The following KRT72 variants were observed in gnomAD, a reference collection of about 807,000 sequenced individuals.
KRT72 encodes the protein keratin 72.
In KRT72, 44 loss-of-function variants were observed where a neutral mutation model predicts 44.7. The ratio of observed to expected loss-of-function variants is 0.98; its 90% CI spans 0.77 to 1.27. The LOEUF is 1.27. Among genes scored for constraint, KRT72 ranks in the 50% most tolerant of loss-of-function variants. The probability of loss-of-function intolerance (pLI) is 0.00; values close to 1 mark genes in which losing one functional copy is unlikely to be tolerated. For missense variants in KRT72, 736 were observed against 667.1 expected (o/e 1.10, Z -1.14); for synonymous variants, 302 against 280.4 (o/e 1.08, Z -0.77).
intron 2 of KRT72, among the ~76,000 whole-genome samples, chr12:52,593,266 G>A (rs749160927): frequency 6.6e-6 from 1 of 152,174 alleles, no homozygotes; most frequent in Non-Finnish European, 1.5e-5. Context: ...TAGCAGAGGT[G>A]AAAAGACACT....
intron 5 of KRT72, 85 bp downstream of exon 5, chr12:52,591,379 C>A (rs201891093): frequency 2.8e-5 from 37 of 1,333,410 alleles, no homozygotes; most frequent in Non-Finnish European, 3.4e-5. Context: ...CACACAAACA[C>A]ACGCACACAC....
chr12:52,592,281 C>T (rs552112000), intron 4 of KRT72, 115 bp downstream of exon 4: 13 of 732,912 alleles, frequency 1.8e-5, no homozygotes, highest in South Asian at 6.2e-5. Flanking sequence ...GTCAGGGGCA[C>T]CAGGTTGAAA....
chr12:52,586,240 C>T, intron 8 of KRT72, 68 bp from the exon 9 acceptor site: 2 of 1,357,330 alleles, frequency 1.5e-6, no homozygotes, highest in Non-Finnish European at 2.0e-6. Context: ...CCTTCTTGGG[C>T]ATCTCGGGCC....
At chr12:52,589,311 C>T (rs867914217) in intron 6 of KRT72, among the ~76,000 whole-genome samples, 2 of 152,176 alleles carry the variant, frequency 1.3e-5, no homozygotes, top group East Asian at 1.9e-4. Flanking sequence ...TGCCAATGCC[C>T]TCGTATTTTG....
At chr12:52,601,584 T>A, upstream of KRT72, 1 of 876,494 alleles carries the variant, frequency 1.1e-6, no homozygotes, top group Non-Finnish European at 1.7e-6. Context: ...CGACAACACC[T>A]TTTAGATCCC....
At chr12:52,586,253 C>T (rs1169572151) in intron 8 of KRT72, 81 bp from the exon 9 acceptor site, 4 of 1,172,444 alleles carry the variant, frequency 3.4e-6, no homozygotes, top group East Asian at 2.5e-5. Flanking sequence ...CTCGGGCCAC[C>T]TCCTTTACTC....
upstream of KRT72, chr12:52,601,564 A>C: frequency 4.5e-6 from 5 of 1,099,862 alleles, no homozygotes; most frequent in Non-Finnish European, 6.5e-6. Flanking sequence ...AGTCAGCCTA[A>C]TTTGTATGTC....
At chr12:52,587,222 A>AT (rs2120712740) in intron 7 of KRT72, among the ~76,000 whole-genome samples, 1 of 152,134 alleles carries the variant, frequency 6.6e-6, no homozygotes, top group Non-Finnish European at 1.5e-5. Context: ...GTGTGGGATC[A>AT]TTAGGCCTCC....
At position 52,596,093 on chromosome 12, in the gene KRT72, A is replaced by T. The variant is rs676126; in HGVS notation, c.641+2805T>A. ...AACAAAACAAATATCCCTGCCCTTA[A>T]GAAGCAGAGAGAGACAAATAACAAA... On this transcript the variant is annotated intron_variant, in intron 2 of 8. Transcript: ENST00000293745. 5.3e-5 allele frequency among the ~76,000 whole-genome samples: 8 copies of T among 152,166 alleles called. No individual in the cohort carries two copies. The East Asian group carries it at 1.3e-3, about 26-fold the overall frequency.
chr12:52,586,049 C>G lies in KRT72; in HGVS notation c.1469G>C (p.Ser490Thr). ...ADVKTKGSCG[S>T]ELKDPLAKTS... ...TTTGGCAAGGGGATCCTTGAGCTCA[C>G]TGCCACAGCTGCCTTTGGTCTTGAC... Residue 490 changes from serine to threonine, a missense_variant, in exon 9 of 9, where the codon AGT (serine) becomes ACT (threonine). Transcript: ENST00000293745. The G allele has an allele frequency of 6.2e-7, 1 of 1,614,222 alleles. No individual in the cohort carries two copies. Among genetic ancestry groups the G allele is most frequent in the Non-Finnish European group, 8.5e-7 (1 of 1,180,040 alleles).
chr12:52,587,391 C>T (rs981506063), intron 7 of KRT72, among the ~76,000 whole-genome samples: 1 of 152,122 alleles, frequency 6.6e-6, no homozygotes, highest in Non-Finnish European at 1.5e-5. Context: ...CATGAACGGT[C>T]GGGGATGCTG....
At chr12:52,600,834 G>C (rs1370597243) in intron 1 of KRT72, among the ~76,000 whole-genome samples, 193 bp downstream of exon 1, 1 of 151,940 alleles carries the variant, frequency 6.6e-6, no homozygotes, top group African/African-American at 2.4e-5. Context: ...TGAGCACTTC[G>C]TAAACATCCC....
intron 2 of KRT72, among the ~76,000 whole-genome samples, chr12:52,598,049 T>C (rs1940278988): frequency 6.6e-6 from 1 of 152,204 alleles, no homozygotes; most frequent in African/African-American, 2.4e-5. Context: ...AGTTCCCATC[T>C]TAATTCCACC....
In KRT72 at chr12:52,601,337, T is replaced by C. The variant is rs1345521123; in HGVS notation, c.116A>G (p.Lys39Arg). ...CTTGCTGCCAAAGGAGGCCGAGCCCTTGACCCGGGCCCGGAATGAGGCGGA... is the reference window on the plus strand; with the variant it reads ...CTTGCTGCCAAAGGAGGCCGAGCCCCTGACCCGGGCCCGGAATGAGGCGGA... ...SSSASFRARV[K>R]GSASFGSKSL... Residue 39 changes from lysine to arginine, a missense_variant, in exon 1 of 9, where the codon AAG becomes AGG. Physicochemically the swap from Lys to Arg is conservative, Grantham distance 26. Coordinates refer to ENST00000293745, the MANE Select transcript of KRT72 (RefSeq NM_080747.3). The C allele has an allele frequency of 9.1e-6, 14 of 1,545,540 alleles. No homozygotes were observed. In the East Asian group the frequency reaches 2.9e-4, roughly 32 times the overall value.
intron 2 of KRT72, among the ~76,000 whole-genome samples, chr12:52,594,606 T>G (rs940023528): frequency 1.4e-5 from 2 of 140,158 alleles, no homozygotes; most frequent in African/African-American, 5.2e-5. Context: ...CGAGGCCTGT[T>G]GTGGGGTGGG....
rs760396585 is a variant in KRT72 at position 52,586,498 on chromosome 12, A to T, written c.1346-326T>A. 5.7e-4 allele frequency among the ~76,000 whole-genome samples: 87 copies of T among 152,336 alleles called. 1 individual carries two copies. Among genetic ancestry groups the T allele is most frequent in the Admixed American group, 3.1e-3 (47 of 15,304 alleles). On this transcript the variant is annotated intron_variant, in intron 8 of 8. Coordinates refer to ENST00000293745, the MANE Select transcript of KRT72 (RefSeq NM_080747.3). ...CTGCTGATGAGGAAAGGGGCCACTG[A>T]GGGCCCTGTCTCTCAGCACCACAGC...
At chr12:52,588,193 C>T (rs2120722488) in intron 6 of KRT72, among the ~76,000 whole-genome samples, 1 of 152,366 alleles carries the variant, frequency 6.6e-6, no homozygotes, top group Admixed American at 6.5e-5. Context: ...GAAAAAAAGT[C>T]TCTGAGCAGC....
At chr12:52,587,092 A>G in intron 7 of KRT72, 112 bp from the exon 8 acceptor site, 2 of 932,132 alleles carry the variant, frequency 2.1e-6, no homozygotes, top group Non-Finnish European at 3.5e-6. Flanking sequence ...TCCCAAACCC[A>G]TCCTAGCCTC....
At position 52,591,587 on chromosome 12, in the gene KRT72, G is replaced by A. The variant is rs552852610; in HGVS notation, c.840C>T (p.Ile280=). The A allele has an allele frequency of 3.1e-5, 50 of 1,613,884 alleles. No homozygotes were observed. The highest frequency in any genetic ancestry group is 3.3e-4 in the Middle Eastern group (2 of 6,058). ...CCCGGTTGTTGTCCATTGACAGGAC[G>A]ATGGACGTGTCGCTGATGTGGGACT... ...QIQSHISDTS[I]VLSMDNNRDL... Residue 280 remains isoleucine, a synonymous_variant, in exon 5 of 9, where the codon ATC becomes ATT. Transcript: ENST00000293745.
Sources: allele counts gnomAD v4.1 joint callset (sites outside exome capture counted in the v4.1 genomes callset), GRCh38; gene constraint gnomAD v4.1.1; transcripts MANE v1.5; gene names NCBI Gene and HGNC (gene_info 2026-07-23, HGNC 2026-07-21).